The following SIRPG variants were observed in gnomAD, a reference collection of about 807,000 sequenced individuals.
SIRPG encodes signal-regulatory protein gamma.
A neutral mutation model predicts 35.7 loss-of-function variants in SIRPG; 38 were observed. The observed-to-expected ratio is 1.06, with a 90% CI of 0.82 to 1.40. SIRPG has a LOEUF of 1.40. Ranked by LOEUF, SIRPG falls within the 40% of genes most tolerant of loss-of-function variation. The pLI is 0.00. For missense variants in SIRPG, 519 were observed against 483.0 expected (o/e 1.07, Z -0.70); for synonymous variants, 215 against 190.4 (o/e 1.13, Z -1.06).
chr20:1,646,619 C>T (rs1039538129), intron 2 of SIRPG: 16 of 150,282 alleles, frequency 1.1e-4, no homozygotes, highest in Admixed American at 8.8e-4. Context: ...CCAGCCCCTC[C>T]TACCCCTACA....
chr20:1,679,504 G>T, the SIRPG span, among the ~76,000 whole-genome samples: 5 of 152,130 alleles, frequency 3.3e-5, no homozygotes, highest in East Asian at 7.8e-4. Context: ...TAAGACACTT[G>T]CCTGGGGTTC....
intron 1 of SIRPG, among the ~76,000 whole-genome samples, chr20:1,656,423 A>G (rs1161509624): frequency 6.6e-6 from 1 of 152,258 alleles, no homozygotes; most frequent in Non-Finnish European, 1.5e-5. Context: ...TCTGCCTTAC[A>G]GGAAGAGAGC....
chr20:1,641,549 C>T (rs2091852024), intron 2 of SIRPG, among the ~76,000 whole-genome samples: 2 of 152,010 alleles, frequency 1.3e-5, no homozygotes, highest in South Asian at 4.1e-4. Context: ...CTTCAAAAAA[C>T]CAGCTTCTGG....
At chr20:1,675,849 T>C in the SIRPG span, among the ~76,000 whole-genome samples, 31 of 151,916 alleles carry the variant, frequency 2.0e-4, no homozygotes, top group African/African-American at 7.2e-4. Context: ...TAAAATTAAA[T>C]GAGCTCTGGC....
chr20:1,644,675 G>A (rs1331642604), intron 2 of SIRPG, among the ~76,000 whole-genome samples: 2 of 152,322 alleles, frequency 1.3e-5, no homozygotes, highest in East Asian at 3.9e-4. Context: ...TGAGACCCTA[G>A]GCCCCAGTGG....
the SIRPG span, among the ~76,000 whole-genome samples, chr20:1,668,151 TTTTC>T: frequency 0.27 from 35,635 of 132,724 alleles, 5,413 homozygotes; most frequent in East Asian, 0.62. Context: ...TCTTTTCTTT[TTTTC>T]TTTTCTTTTC....
At chr20:1,679,666 TCA>T in the SIRPG span, among the ~76,000 whole-genome samples, 1 of 152,178 alleles carries the variant, frequency 6.6e-6, no homozygotes, top group Non-Finnish European at 1.5e-5. Context: ...AATGAAATTT[TCA>T]CAGTCATGTT....
At chr20:1,671,051 G>A in the SIRPG span, 1 of 425,618 alleles carries the variant, frequency 2.3e-6, no homozygotes, top group Admixed American at 2.6e-5. Flanking sequence ...ACGTTGATCT[G>A]GAAGCCTGAG....
rs576944150 is a variant in SIRPG, at chr20:1,635,350, T to A, written c.998A>T (p.His333Leu). 1.2e-6 allele frequency: 2 copies of A among 1,614,226 alleles called. No individual in the cohort carries two copies. The highest frequency in any genetic ancestry group is 2.2e-5 in the South Asian group (2 of 91,082). ...DDVVLTCQVK[H>L]DGQLAVSKRL... The stretch of plus-strand genomic sequence containing the variant: ...TTTGCTGACCGCCAGCTGCCCATCA[T>A]GCTTCACCTGGCAGGTGAGGACCAC... Residue 333 changes from histidine to leucine, a missense_variant, in exon 4 of 6, where the codon CAT (histidine) becomes CTT (leucine). His to Leu is a moderately conservative substitution (Grantham distance 99). Transcript: ENST00000303415.
At chr20:1,671,747 G>C in the SIRPG span, among the ~76,000 whole-genome samples, 1 of 152,214 alleles carries the variant, frequency 6.6e-6, no homozygotes, top group African/African-American at 2.4e-5. Context: ...GAAATAAAGG[G>C]ATGGGCCGAA....
chr20:1,658,165 C>T (rs116783574), upstream of SIRPG, among the ~76,000 whole-genome samples: 915 of 152,252 alleles, frequency 6.0e-3, 27 homozygotes, highest in Middle Eastern at 6.8e-3. Context: ...CTCCGCTGGA[C>T]GTAGGAGAAG....
chr20:1,662,861 G>A, the SIRPG span, among the ~76,000 whole-genome samples: 2 of 152,118 alleles, frequency 1.3e-5, no homozygotes, highest in African/African-American at 2.4e-5. Flanking sequence ...TTCTAGGGTA[G>A]GAGAGGAAAA....
the SIRPG span, among the ~76,000 whole-genome samples, chr20:1,668,194 TTTTCTTTTCTTTCTTTCTTTCTTTC>T: frequency 0.23 from 27,014 of 117,508 alleles, 3,193 homozygotes; most frequent in Admixed American, 0.35. Flanking sequence ...TTTCTTTTTC[TTTTCTTTTCTTTCTTTCTTTCTTTC>T]TTTCTTTCTT....
At chr20:1,667,931 T>C in the SIRPG span, among the ~76,000 whole-genome samples, 13 of 152,332 alleles carry the variant, frequency 8.5e-5, no homozygotes, top group Admixed American at 3.9e-4. Flanking sequence ...TGTTCTGCCA[T>C]CACTCTTGCT....
chr20:1,681,829 T>G, the SIRPG span, among the ~76,000 whole-genome samples: 1 of 152,062 alleles, frequency 6.6e-6, no homozygotes, highest in African/African-American at 2.4e-5. Context: ...GAGTGAGACC[T>G]TGACTCAAAA....
At position 1,638,311 on chromosome 20, in the gene SIRPG, G is replaced by T. The variant is rs921626666; in HGVS notation, c.431-1806C>A. 3.9e-5 allele frequency: 6 copies of T among 152,330 alleles called. No individual in the cohort carries two copies. The East Asian group carries it at 1.2e-3, about 29-fold the overall frequency. The allele number at this position is 152,330 out of a possible 1,614,324, so 9.4% of individuals were successfully genotyped here. A position where few individuals can be genotyped will look rare whatever the true frequency, so the allele number is the denominator to read the frequency against. On this transcript the variant is annotated intron_variant, in intron 2 of 5. Transcript: ENST00000303415. ...GGTGAGGGAGGATGAAGGCAAGCAC[G>T]GAGCCTGGTATGCAGCAGGTGCTTA...
chr20:1,681,869 T>C, the SIRPG span, among the ~76,000 whole-genome samples: 180 of 152,254 alleles, frequency 1.2e-3, no homozygotes, highest in African/African-American at 4.0e-3. Flanking sequence ...ATAAAGTTTT[T>C]ACTCAGTAGA....
At chr20:1,639,218 C>A (rs74938674) in intron 2 of SIRPG, among the ~76,000 whole-genome samples, 1 of 152,102 alleles carries the variant, frequency 6.6e-6, no homozygotes, top group Non-Finnish European at 1.5e-5. Context: ...AATCGTTGAA[C>A]TAATTTACAT....
At chr20:1,649,999 AGT>A (rs146744745) in intron 1 of SIRPG, among the ~76,000 whole-genome samples, 18,876 of 118,610 alleles carry the variant, frequency 0.16, 2,376 homozygotes, top group Non-Finnish European at 0.17. Flanking sequence ...TCTACTTTGA[AGT>A]GTGTATATAT....
Sources: allele counts gnomAD v4.1 joint callset (sites outside exome capture counted in the v4.1 genomes callset), GRCh38; gene constraint gnomAD v4.1.1; transcripts MANE v1.5; gene names NCBI Gene and HGNC (gene_info 2026-07-23, HGNC 2026-07-21).